Variants in PALS2 observed in about 807,000 individuals in gnomAD.
PALS2 encodes the protein protein associated with LIN7 2, MAGUK p55 family member, also known as protein PALS2.
Under a neutral mutation model 61.6 loss-of-function variants are expected in PALS2, and 27 were observed. The observed-to-expected ratio is 0.44, with a 90% CI of 0.32 to 0.60. PALS2 has a LOEUF of 0.60. PALS2 is among the 20% of genes least tolerant of loss of function. The pLI is 0.05. For synonymous variants in PALS2, 236 were observed against 218.6 expected, an observed-to-expected ratio of 1.08 and a Z score of -0.70; for missense variants, 554 against 639.4, an observed-to-expected ratio of 0.87 and a Z score of 1.44.
chr7:24,573,844 C>T lies in PALS2; in HGVS notation c.-3+251C>T, dbSNP rs1444570443. On this transcript the variant is annotated intron_variant, in intron 1 of 11. Transcript: ENST00000222644. This position sits in a 1 kb window ranked among gnomAD's most constrained non-coding sequence, Gnocchi z 5.3. ...GAAGGGGCGCTCGGCCGGGCTCCTG[C>T]CTCTCTGGCTGCGGGCGGCTGGGCG... Among the ~76,000 whole-genome samples the T allele has an allele frequency of 4.6e-5, 7 of 150,632 alleles. No individual in the cohort carries two copies. The highest frequency in any genetic ancestry group is 3.3e-4 in the Admixed American group (5 of 15,114).
intron 3 of PALS2, among the ~76,000 whole-genome samples, chr7:24,647,885 T>C (rs879532342): frequency 2.0e-5 from 3 of 152,212 alleles, no homozygotes; most frequent in Admixed American, 2.0e-4. Context: ...AAATTTTTAC[T>C]ATAAAAATCT....
At chr7:24,637,228 C>G (rs1432540489) in intron 2 of PALS2, among the ~76,000 whole-genome samples, 2 of 149,968 alleles carry the variant, frequency 1.3e-5, no homozygotes, top group Non-Finnish European at 3.0e-5. Context: ...TTTTGGTTAA[C>G]TAGGCAATTT....
chr7:24,677,473 G>GT (rs1262123029), intron 9 of PALS2, among the ~76,000 whole-genome samples: 3 of 151,792 alleles, frequency 2.0e-5, no homozygotes, highest in Non-Finnish European at 4.4e-5. Flanking sequence ...AATGCTTCCA[G>GT]TTTTTGCCCA....
intron 1 of PALS2, among the ~76,000 whole-genome samples, chr7:24,616,407 C>T (rs1186140466): frequency 6.6e-6 from 1 of 152,070 alleles, no homozygotes; most frequent in African/African-American, 2.4e-5. Flanking sequence ...AAACAACACA[C>T]ATTAAAAATC....
chr7:24,643,707 T>G (rs1315750405), intron 3 of PALS2, among the ~76,000 whole-genome samples: 2 of 152,180 alleles, frequency 1.3e-5, no homozygotes, highest in Non-Finnish European at 2.9e-5. Context: ...AAGACCAGGC[T>G]ATTGTCCTGC....
At chr7:24,672,799 G>A (rs749158819) in intron 9 of PALS2, among the ~76,000 whole-genome samples, 3 of 151,972 alleles carry the variant, frequency 2.0e-5, no homozygotes, top group Non-Finnish European at 2.9e-5. Flanking sequence ...ATTTTTTTGT[G>A]TGGGTTCCTC....
Position 24,650,648 on chromosome 7 carries a change from A to G in PALS2, c.587A>G (p.Asn196Ser), listed in dbSNP as rs772143286. 56 of 1,612,186 alleles carry G rather than the reference A, an allele frequency of 3.5e-5. No individual in the cohort carries two copies. Among genetic ancestry groups the G allele is most frequent in the Non-Finnish European group, 4.3e-5 (51 of 1,178,532 alleles). ...NPKELQELLK[N>S]ISGSVTLKIL... ...AAGGAATTACAAGAATTACTGAAAAATATTAGTGGAAGTGTCACCCTAAAA... is the reference window on the plus strand; with the variant it reads ...AAGGAATTACAAGAATTACTGAAAAGTATTAGTGGAAGTGTCACCCTAAAA... The change falls in exon 5 of 12, where the codon AAT (asparagine) becomes AGT (serine). Residue 196 changes from asparagine to serine, a missense_variant. Asn to Ser is a conservative substitution (Grantham distance 46). Transcript: ENST00000222644.
At chr7:24,574,094 A>T (rs1782558328) in intron 1 of PALS2, 1 of 152,126 alleles carries the variant, frequency 6.6e-6, no homozygotes, top group Admixed American at 6.5e-5. Flanking sequence ...CTGTCCCGAG[A>T]GGGGGTGATT....
intron 1 of PALS2, among the ~76,000 whole-genome samples, chr7:24,595,526 A>T (rs867463588): frequency 8.4e-6 from 1 of 119,388 alleles, no homozygotes; most frequent in African/African-American, 3.4e-5. Context: ...AATATATATA[A>T]TATATAATAT....
chr7:24,655,630 A>ATTTT lies in PALS2; in HGVS notation c.651+4939_651+4942dup, dbSNP rs770410952. On this transcript the variant is annotated intron_variant, in intron 5 of 11. Transcript: ENST00000222644. Reference sequence around the variant, plus strand: ...TTTGGCCTAGGTTAGTAGTTAGTAGATTTTTTTTTTTTTTTTTTTTTTTTG... The same window carrying ATTTT: ...TTTGGCCTAGGTTAGTAGTTAGTAGATTTTTTTTTTTTTTTTTTTTTTTTTTTTG... Among the ~76,000 whole-genome samples, 62 of 96,916 alleles carry ATTTT rather than the reference A, an allele frequency of 6.4e-4. 2 individuals carry two copies. The highest frequency in any genetic ancestry group is 4.5e-3 in the South Asian group (11 of 2,430). The allele number at this position is 96,916 out of a possible 152,430, so 63.6% of individuals were successfully genotyped here. A position where few individuals can be genotyped will look rare whatever the true frequency, so the allele number is the denominator to read the frequency against.
At chr7:24,661,280 A>G (rs1458046769) in intron 5 of PALS2, among the ~76,000 whole-genome samples, 1 of 152,142 alleles carries the variant, frequency 6.6e-6, no homozygotes, top group Non-Finnish European at 1.5e-5. Flanking sequence ...AAATCAGGTT[A>G]ATCTGAGTTT....
chr7:24,599,157 TG>T (rs1335658181), intron 1 of PALS2, among the ~76,000 whole-genome samples: 3 of 152,152 alleles, frequency 2.0e-5, no homozygotes, highest in Non-Finnish European at 2.9e-5. Flanking sequence ...CACACATAGA[TG>T]GTATAGTCTG....
chr7:24,690,723 G>C lies in PALS2; in HGVS notation c.*3109G>C, dbSNP rs1045431961. The C allele has an allele frequency of 1.3e-5, 2 of 152,030 alleles. No homozygotes were observed. The highest frequency in any genetic ancestry group is 2.9e-5 in the Non-Finnish European group (2 of 68,002). 9.4% of individuals were successfully genotyped at this position (152,030 alleles called of 1,614,324 possible). ...CAGTCTCCATTTCTGTGTGATATTTGGTAATATCACATGTCAAATACATCA... is the reference window on the plus strand; with the variant it reads ...CAGTCTCCATTTCTGTGTGATATTTCGTAATATCACATGTCAAATACATCA... On this transcript the variant is annotated 3_prime_UTR_variant, in exon 12 of 12. Coordinates refer to ENST00000222644, the MANE Select transcript of PALS2 (RefSeq NM_001303037.2).
At chr7:24,627,735 A>G (rs1162927427) in intron 2 of PALS2, among the ~76,000 whole-genome samples, 2 of 152,212 alleles carry the variant, frequency 1.3e-5, no homozygotes, top group Non-Finnish European at 1.5e-5. Flanking sequence ...AATACTATAA[A>G]CACCTCTCTG....
intron 9 of PALS2, among the ~76,000 whole-genome samples, chr7:24,677,306 G>A (rs1392651819): frequency 3.9e-5 from 6 of 151,966 alleles, no homozygotes; most frequent in Admixed American, 2.0e-4. Flanking sequence ...ATACAATCAC[G>A]TCATCTGCAA....
At chr7:24,685,849 T>C (rs1450066253) in intron 11 of PALS2, among the ~76,000 whole-genome samples, 1 of 152,134 alleles carries the variant, frequency 6.6e-6, no homozygotes, top group African/African-American at 2.4e-5. Flanking sequence ...CTCTACACTT[T>C]CTACACAAAT....
At chr7:24,639,159 A>G (rs559173396) in intron 2 of PALS2, among the ~76,000 whole-genome samples, 42 of 152,372 alleles carry the variant, frequency 2.8e-4, no homozygotes, top group Admixed American at 1.4e-3. Flanking sequence ...TATGTCATAC[A>G]TTTAAGTGAA....
intron 2 of PALS2, chr7:24,624,099 A>AAC (rs1182838415): frequency 7.6e-7 from 1 of 1,319,682 alleles, no homozygotes; most frequent in Non-Finnish European, 1.0e-6. Context: ...TTCCATTTTC[A>AAC]ACAATGGCAA....
chr7:24,672,654 C>A (rs757460366), intron 9 of PALS2, among the ~76,000 whole-genome samples: 2 of 151,698 alleles, frequency 1.3e-5, no homozygotes, highest in African/African-American at 2.4e-5. Context: ...GTATTTTTTT[C>A]TTTTTTATTC....
Sources: allele counts gnomAD v4.1 joint callset (sites outside exome capture counted in the v4.1 genomes callset), GRCh38; gene constraint gnomAD v4.1.1; non-coding constraint Gnocchi (gnomAD v3.1); transcripts MANE v1.5; gene names NCBI Gene and HGNC (gene_info 2026-07-23, HGNC 2026-07-21).